The following CUL4A variants were observed in gnomAD, a reference collection of about 807,000 sequenced individuals.
The protein encoded by CUL4A is cullin-4A.
Under a neutral mutation model 95.5 loss-of-function variants are expected in CUL4A, and 16 were observed. The ratio of observed to expected loss-of-function variants is 0.17; its 90% CI spans 0.11 to 0.25. The LOEUF is 0.25. CUL4A is among the 10% of genes least tolerant of loss of function. CUL4A has a pLI of 1.00. For synonymous variants in CUL4A, 380 were observed against 353.1 expected, an observed-to-expected ratio of 1.08 and a Z score of -0.85; for missense variants, 610 against 937.0, an observed-to-expected ratio of 0.65 and a Z score of 4.56.
At chr13:113,252,464 T>C (rs2042019213) in intron 15 of CUL4A, among the ~76,000 whole-genome samples, 2 of 151,624 alleles carry the variant, frequency 1.3e-5, no homozygotes, top group African/African-American at 4.9e-5. Context: ...CACTTGCACC[T>C]GGGAGATCCA....
At chr13:113,243,736 A>G (rs957775216) in intron 11 of CUL4A, among the ~76,000 whole-genome samples, 4 of 152,148 alleles carry the variant, frequency 2.6e-5, no homozygotes, top group Admixed American at 6.5e-5. Flanking sequence ...AGAATATTCC[A>G]TTACAAAATG....
chr13:113,261,744 G>A (rs1389283524), intron 19 of CUL4A, among the ~76,000 whole-genome samples: 2 of 150,178 alleles, frequency 1.3e-5, no homozygotes, highest in African/African-American at 4.9e-5. Flanking sequence ...CAGGGGTAGA[G>A]TGTGGCAGAC....
At chr13:113,223,111 G>A (rs1342311370) in intron 3 of CUL4A, among the ~76,000 whole-genome samples, 1 of 152,260 alleles carries the variant, frequency 6.6e-6, no homozygotes, top group African/African-American at 2.4e-5. Flanking sequence ...ACATTCGTAC[G>A]TTAACCTAGT....
chr13:113,212,084 C>G (rs2040469815), intron 2 of CUL4A, among the ~76,000 whole-genome samples: 1 of 152,218 alleles, frequency 6.6e-6, no homozygotes, highest in South Asian at 2.1e-4. Context: ...TTTGTATTTA[C>G]TTGCCATTCT....
At chr13:113,219,292 GTCT>G in intron 3 of CUL4A, 1 of 393,326 alleles carries the variant, frequency 2.5e-6, no homozygotes, top group Non-Finnish European at 4.5e-6. Flanking sequence ...TCTGAAAAAT[GTCT>G]TCAAGTTTGA....
At chr13:113,247,897 T>A (rs1268447029) in intron 15 of CUL4A, among the ~76,000 whole-genome samples, 13 of 152,176 alleles carry the variant, frequency 8.5e-5, no homozygotes, top group Non-Finnish European at 4.4e-5. Context: ...AGATATGTCC[T>A]TTGTGGTGTT....
intron 17 of CUL4A, 57 bp downstream of exon 17, chr13:113,254,855 TTTAAGATAAGACATAGAC>T (rs2139283741): frequency 6.3e-7 from 1 of 1,594,474 alleles, no homozygotes; most frequent in South Asian, 1.1e-5. Flanking sequence ...ATGTATTTGT[TTTAAGATAAGACATAGAC>T]TTGGTAGCAT....
chr13:113,249,296 G>A lies in CUL4A; in HGVS notation c.1638+3233G>A, dbSNP rs1472683493. Among the ~76,000 whole-genome samples the A allele has an allele frequency of 2.0e-5, 3 of 150,908 alleles. No homozygotes were observed. The South Asian group carries it at 6.3e-4, about 31-fold the overall frequency. ...CATCCATGCTGTACCATACATGAGC[G>A]CTTTATTCCATCCATGCTGTGCCAT... On this transcript the variant is annotated intron_variant, in intron 15 of 19. Transcript: ENST00000375440.
chr13:113,211,836 C>T (rs781773541), intron 2 of CUL4A, among the ~76,000 whole-genome samples: 2 of 152,138 alleles, frequency 1.3e-5, no homozygotes, highest in African/African-American at 2.4e-5. Flanking sequence ...TAACTTTGTA[C>T]GGAATTTCTT....
intron 18 of CUL4A, among the ~76,000 whole-genome samples, chr13:113,257,262 A>G (rs913955107): frequency 2.0e-5 from 3 of 151,658 alleles, no homozygotes; most frequent in African/African-American, 7.3e-5. Flanking sequence ...TGTTGTTTTT[A>G]TTGGTTTTTT....
chr13:113,237,825 G>A (rs952491870), intron 9 of CUL4A, among the ~76,000 whole-genome samples: 3 of 152,190 alleles, frequency 2.0e-5, no homozygotes, highest in African/African-American at 7.2e-5. Flanking sequence ...ATACTTAAGT[G>A]AAACCAGAAT....
chr13:113,229,594 G>A, intron 5 of CUL4A, 75 bp downstream of exon 5: 2 of 1,218,090 alleles, frequency 1.6e-6, no homozygotes, highest in South Asian at 1.3e-5. Context: ...TCTTCCGCAG[G>A]CTAAGATGGT....
upstream of CUL4A, chr13:113,208,249 C>G (rs1028265921): frequency 2.8e-6 from 4 of 1,442,536 alleles, no homozygotes; most frequent in Non-Finnish European, 2.7e-6. Flanking sequence ...CCGCCCACAG[C>G]GGGCCCTCGG....
intron 3 of CUL4A, among the ~76,000 whole-genome samples, chr13:113,227,083 G>T (rs900542064): frequency 6.6e-6 from 1 of 152,172 alleles, no homozygotes. Context: ...AGGGAGTGGC[G>T]AGCGGCCAGA....
At chr13:113,250,604 T>G (rs1431940784) in intron 15 of CUL4A, among the ~76,000 whole-genome samples, 2 of 152,168 alleles carry the variant, frequency 1.3e-5, no homozygotes, top group Non-Finnish European at 2.9e-5. Flanking sequence ...ATAATTATCC[T>G]CATTAATACC....
At chr13:113,221,241 C>T (rs1208126980) in intron 3 of CUL4A, among the ~76,000 whole-genome samples, 1 of 152,192 alleles carries the variant, frequency 6.6e-6, no homozygotes, top group Non-Finnish European at 1.5e-5. Context: ...GTGGATACTA[C>T]CAAGGAGTCA....
chr13:113,260,070 G>C (rs1031484613), intron 18 of CUL4A, among the ~76,000 whole-genome samples: 8 of 150,174 alleles, frequency 5.3e-5, no homozygotes, highest in Non-Finnish European at 1.0e-4. Flanking sequence ...CGGGCATGGT[G>C]GGGGGGCACC....
At chr13:113,235,666 GAAATGA>G (rs1489319500) in intron 8 of CUL4A, among the ~76,000 whole-genome samples, 1 of 152,138 alleles carries the variant, frequency 6.6e-6, no homozygotes, top group Non-Finnish European at 1.5e-5. Context: ...GCAAGGGAGA[GAAATGA>G]AAATGATACA....
upstream of CUL4A, chr13:113,208,621 G>A: frequency 6.2e-7 from 1 of 1,608,498 alleles, no homozygotes; most frequent in Non-Finnish European, 8.5e-7. Context: ...CTGGTTAATG[G>A]TAATGTGCGC....
Sources: allele counts gnomAD v4.1 joint callset (sites outside exome capture counted in the v4.1 genomes callset), GRCh38; gene constraint gnomAD v4.1.1; transcripts MANE v1.5; gene names NCBI Gene and HGNC (gene_info 2026-07-23, HGNC 2026-07-21).